IL1RAPL2: variants seen among roughly 807,000 people sequenced by gnomAD.
The protein encoded by IL1RAPL2 is interleukin 1 receptor accessory protein like 2.
In IL1RAPL2, 3 loss-of-function variants were observed where a neutral mutation model predicts 44.1. The ratio of observed to expected loss-of-function variants is 0.07; its 90% CI spans 0.03 to 0.18. The LOEUF is 0.18. Among genes scored for constraint, IL1RAPL2 ranks in the 10% least tolerant of loss-of-function variants. The probability of loss-of-function intolerance (pLI) is 1.00; values close to 1 mark genes in which losing one functional copy is unlikely to be tolerated. For synonymous variants in IL1RAPL2, 181 were observed against 178.8 expected, an observed-to-expected ratio of 1.01 and a Z score of -0.10; for missense variants, 391 against 496.4, an observed-to-expected ratio of 0.79 and a Z score of 2.02.
At chrX:105,250,420 A>C (rs2034259486) in intron 4 of IL1RAPL2, among the ~76,000 whole-genome samples, 1 of 111,230 alleles carries the variant, frequency 9.0e-6, no homozygotes, top group African/African-American at 3.3e-5. Flanking sequence ...TCGTTCATCA[A>C]TTAGACCAAA....
intron 2 of IL1RAPL2, among the ~76,000 whole-genome samples, chrX:104,676,417 G>A (rs1922516363): frequency 1.8e-5 from 2 of 111,593 alleles, no homozygotes; most frequent in South Asian, 7.5e-4. Flanking sequence ...TAAGAATGTT[G>A]AATATTGGCC....
chrX:105,227,411 A>T (rs1327582240), intron 3 of IL1RAPL2, among the ~76,000 whole-genome samples: 2 of 111,853 alleles, frequency 1.8e-5, no homozygotes, highest in Non-Finnish European at 3.8e-5. Context: ...TTTTAAAAAA[A>T]CAATAAAACA....
chrX:104,589,881 C>T lies in IL1RAPL2; in HGVS notation c.-20+22830C>T, dbSNP rs375256520. 1.2e-4 allele frequency among the ~76,000 whole-genome samples: 13 copies of T among 111,699 alleles called. No individual in the cohort carries two copies. The South Asian group carries it at 4.6e-3, about 39-fold the overall frequency. On this transcript the variant is annotated intron_variant, in intron 1 of 10. Transcript: ENST00000372582. Reference sequence around the variant, plus strand: ...TGTTCCTAGAGTGAAATAAAAGACTCAGTGAAATTTTAACAAGTTAGCATT... The same window carrying T: ...TGTTCCTAGAGTGAAATAAAAGACTTAGTGAAATTTTAACAAGTTAGCATT...
intron 1 of IL1RAPL2, among the ~76,000 whole-genome samples, chrX:104,608,991 G>A (rs778678064): frequency 2.1e-3 from 229 of 111,512 alleles, no homozygotes; most frequent in African/African-American, 5.9e-3. Context: ...GGCTGGTACC[G>A]GTTGTTCCTT....
chrX:105,533,816 T>C (rs1023689971), intron 6 of IL1RAPL2, among the ~76,000 whole-genome samples: 3 of 112,050 alleles, frequency 2.7e-5, no homozygotes, highest in African/African-American at 9.7e-5. Context: ...TTCTGTGGAA[T>C]GGATGTGCTA....
chrX:105,357,157 G>A (rs914142661), intron 5 of IL1RAPL2, among the ~76,000 whole-genome samples: 4 of 111,058 alleles, frequency 3.6e-5, no homozygotes, highest in Non-Finnish European at 5.7e-5. Context: ...TGAGACATTA[G>A]GAGAGTTACT....
chrX:105,029,835 C>T, intron 2 of IL1RAPL2, among the ~76,000 whole-genome samples: 1 of 111,467 alleles, frequency 9.0e-6, no homozygotes, highest in East Asian at 2.8e-4. Flanking sequence ...ACACTGACTT[C>T]CACAATGGTT....
At chrX:105,690,746 T>TA (rs2038028470) in intron 6 of IL1RAPL2, among the ~76,000 whole-genome samples, 1 of 112,181 alleles carries the variant, frequency 8.9e-6, no homozygotes, top group Non-Finnish European at 1.9e-5. Flanking sequence ...ACCATCTCTA[T>TA]AAGCGAATCC....
chrX:105,532,880 T>A (rs10127375), intron 6 of IL1RAPL2, among the ~76,000 whole-genome samples: 17,484 of 110,936 alleles, frequency 0.16, 3,406 homozygotes, highest in African/African-American at 0.55. Flanking sequence ...TATATTAGAT[T>A]AATTCTTTTT....
rs1375961501 is a variant in IL1RAPL2, at chrX:105,318,058, C to T, written c.697+50517C>T. 1.5e-4 allele frequency among the ~76,000 whole-genome samples: 16 copies of T among 108,789 alleles called. No individual in the cohort carries two copies. In the Middle Eastern group the frequency reaches 0.014, roughly 96 times the overall value. 94.5% of individuals were successfully genotyped at this position (108,789 alleles called of 115,157 possible). ...CGCGATCTCGGCTCACTGCAAGCTC[C>T]GCCTCCCGGGTTCACGCCATTCTCC... On this transcript the variant is annotated intron_variant, in intron 5 of 10. Transcript: ENST00000372582.
intron 5 of IL1RAPL2, among the ~76,000 whole-genome samples, chrX:105,456,287 G>T (rs1222641551): frequency 3.6e-5 from 4 of 111,787 alleles, no homozygotes; most frequent in Non-Finnish European, 1.9e-5. Context: ...TTGACTTCCT[G>T]TCTTCCTGTT....
intron 2 of IL1RAPL2, among the ~76,000 whole-genome samples, chrX:104,876,742 ATTATACTTT>A (rs1366409303): frequency 6.2e-5 from 5 of 80,414 alleles, no homozygotes; most frequent in Non-Finnish European, 1.2e-4. Context: ...TATTATTATT[ATTATACTTT>A]AAGTTTTAGG....
chrX:105,461,896 G>C (rs1212998439), intron 5 of IL1RAPL2, among the ~76,000 whole-genome samples: 3 of 111,121 alleles, frequency 2.7e-5, no homozygotes, highest in Non-Finnish European at 5.7e-5. Context: ...GAGCATGTTT[G>C]TATGTGTGTG....
intron 6 of IL1RAPL2, among the ~76,000 whole-genome samples, chrX:105,681,490 G>A (rs1758681841): frequency 8.9e-6 from 1 of 112,365 alleles, no homozygotes; most frequent in Non-Finnish European, 1.9e-5. Flanking sequence ...AGGCACAGTG[G>A]TGCACGCCTA....
intron 2 of IL1RAPL2, among the ~76,000 whole-genome samples, chrX:104,901,792 A>C (rs941020187): frequency 1.8e-5 from 2 of 111,883 alleles, no homozygotes; most frequent in Non-Finnish European, 3.8e-5. Context: ...CCTTTTCTGT[A>C]AAATGAGAGT....
At chrX:104,943,765 A>G (rs1925265285) in intron 2 of IL1RAPL2, among the ~76,000 whole-genome samples, 1 of 111,568 alleles carries the variant, frequency 9.0e-6, no homozygotes, top group African/African-American at 3.3e-5. Context: ...CTAACATACT[A>G]TAAAATTTAC....
intron 5 of IL1RAPL2, among the ~76,000 whole-genome samples, chrX:105,479,050 G>T (rs943333939): frequency 6.3e-5 from 7 of 111,769 alleles, no homozygotes; most frequent in Non-Finnish European, 1.9e-5. Context: ...AGAAAGATTA[G>T]CTTGGACTGT....
intron 3 of IL1RAPL2, chrX:105,220,512 C>G (rs192502821): frequency 3.1e-5 from 22 of 701,912 alleles, no homozygotes; most frequent in Non-Finnish European, 4.4e-5. Context: ...CTCTTGTCCC[C>G]GCCCTACCCG....
chrX:105,589,688 A>C (rs2037154689), intron 6 of IL1RAPL2, among the ~76,000 whole-genome samples: 1 of 110,642 alleles, frequency 9.0e-6, no homozygotes, highest in South Asian at 3.9e-4. Flanking sequence ...AGAGAGTTGT[A>C]GGTATGCAGC....
Sources: gnomAD v4.1 joint callset for allele counts (sites outside exome capture counted in the v4.1 genomes callset) on GRCh38, gnomAD v4.1.1 for gene constraint, MANE v1.5 for transcripts, NCBI Gene and HGNC (gene_info 2026-07-23, HGNC 2026-07-21) for gene names.